The following OTUD3 variants were observed in gnomAD, a reference collection of about 807,000 sequenced individuals.
OTUD3 encodes the protein OTU deubiquitinase 3.
Under a neutral mutation model 46.2 loss-of-function variants are expected in OTUD3, and 24 were observed. The observed-to-expected ratio is 0.52, with a 90% CI of 0.38 to 0.73. OTUD3 has a LOEUF of 0.73. OTUD3 is among the 30% of genes least tolerant of loss of function. The pLI is 0.00. For missense variants in OTUD3, 455 were observed against 523.3 expected (o/e 0.87, Z 1.27); for synonymous variants, 189 against 195.4 (o/e 0.97, Z 0.27).
chr1:19,907,494 C>A, intron 7 of OTUD3, 76 bp from the exon 8 acceptor site: 1 of 1,431,824 alleles, frequency 7.0e-7, no homozygotes, highest in Non-Finnish European at 9.7e-7. Flanking sequence ...GTGCCCTTTG[C>A]CACCATCTCC....
At position 19,906,478 on chromosome 1, in the gene OTUD3, T is replaced by C. The variant is rs773554496; in HGVS notation, c.882T>C (p.Cys294=). 2 of 1,614,080 alleles carry C rather than the reference T, an allele frequency of 1.2e-6. No homozygotes were observed. Among genetic ancestry groups the C allele is most frequent in the Non-Finnish European group, 1.7e-6 (2 of 1,179,964 alleles). Residue 294 remains cysteine, a synonymous_variant, in exon 7 of 8, where the codon TGT becomes TGC. Transcript: ENST00000375120. ...LEPSGRVLKQ[C]GPLWEEGGSG... is the part of the protein sequence containing the mutation. The stretch of plus-strand genomic sequence containing the variant: ...CCAGTGGTCGAGTGCTGAAGCAGTG[T>C]GGCCCTTTGTGGGAGGAGGGTGGCA...
intron 1 of OTUD3, among the ~76,000 whole-genome samples, chr1:19,883,036 C>G (rs2045295690): frequency 6.6e-6 from 1 of 152,206 alleles, no homozygotes; most frequent in South Asian, 2.1e-4. Flanking sequence ...AGGAAGGGCT[C>G]TCTCAAAGGT....
Position 19,897,625 on chromosome 1 carries a change from A to T in OTUD3, c.569A>T (p.Asn190Ile), listed in dbSNP as rs201938614. 1 of 1,614,094 alleles carries T rather than the reference A, an allele frequency of 6.2e-7. No individual in the cohort carries two copies. The highest frequency in any genetic ancestry group is 8.5e-7 in the Non-Finnish European group (1 of 1,179,990). ...CACTACGACAGTGTTCGGAGGATCA[A>T]TGACAACTCAGAGGCACCTGCACAT... ...GEHYDSVRRI[N>I]DNSEAPAHLQ... is the part of the protein sequence containing the mutation. The change falls in exon 4 of 8, where the codon AAT becomes ATT. Residue 190 changes from asparagine to isoleucine, a missense_variant. Transcript: ENST00000375120.
intron 1 of OTUD3, among the ~76,000 whole-genome samples, chr1:19,886,708 T>C (rs1159664817): frequency 6.6e-6 from 1 of 152,238 alleles, no homozygotes; most frequent in East Asian, 1.9e-4. Flanking sequence ...CAAACTTCAG[T>C]ATGCAACATA....
In OTUD3 at chr1:19,907,588, C is replaced by T. The variant is rs762905488; in HGVS notation, c.1039C>T (p.Arg347Ter). 3 of 1,613,874 alleles carry T rather than the reference C, an allele frequency of 1.9e-6. No individual in the cohort carries two copies. Among genetic ancestry groups the T allele is most frequent in the Middle Eastern group, 1.7e-4 (1 of 6,056 alleles). ...QLAKVTNKQR[R>*]EQQWMEKKKR... is the part of the protein sequence containing the mutation. ...CTCTCAGGTCACAAACAAACAGAGG[C>T]GAGAACAGCAGTGGATGGAGAAGAA... is the stretch of plus-strand genomic sequence containing the variant. Residue 347 changes from arginine to a stop codon, truncating the protein, a stop_gained, in exon 8 of 8, where the codon CGA (arginine) becomes TGA (stop). Coordinates refer to ENST00000375120, the MANE Select transcript of OTUD3 (RefSeq NM_015207.2). LOFTEE classifies it high-confidence loss of function.
intron 3 of OTUD3, among the ~76,000 whole-genome samples, chr1:19,895,231 T>C (rs1243705631): frequency 6.6e-6 from 1 of 152,244 alleles, no homozygotes; most frequent in Admixed American, 6.5e-5. Flanking sequence ...CTGCATATAT[T>C]CCTTTGTAAA....
At chr1:19,904,223 T>G (rs1349746914) in intron 4 of OTUD3, 44 bp from the exon 5 acceptor site, 72 of 1,497,750 alleles carry the variant, frequency 4.8e-5, no homozygotes, top group Non-Finnish European at 5.9e-5. Flanking sequence ...TGAACATAGT[T>G]TGATTCTCAA....
intron 2 of OTUD3, among the ~76,000 whole-genome samples, chr1:19,892,630 C>G (rs970316524): frequency 2.0e-5 from 3 of 152,146 alleles, no homozygotes; most frequent in Non-Finnish European, 4.4e-5. Context: ...TTATCTTCCT[C>G]CCTTCTCTTA....
rs1183588597 is a variant in OTUD3, at chr1:19,907,646, C to G, written c.1097C>G (p.Ala366Gly). The change falls in exon 8 of 8, where the codon GCC becomes GGC. Residue 366 changes from alanine to glycine, a missense_variant. Physicochemically the swap from Ala to Gly is moderately conservative, Grantham distance 60. Coordinates refer to ENST00000375120, the MANE Select transcript of OTUD3 (RefSeq NM_015207.2). ...CAGGAGGAGAGGCACCGCCACAAAG[C>G]CCTGGAGAGCAGAGGTAGCCACAGG... ...KRQEERHRHK[A>G]LESRGSHRDN... The G allele has an allele frequency of 6.2e-7, 1 of 1,614,074 alleles. No homozygotes were observed. Among genetic ancestry groups the G allele is most frequent in the African/African-American group, 1.3e-5 (1 of 74,936 alleles).
At chr1:19,886,220 A>G (rs2045357830) in intron 1 of OTUD3, among the ~76,000 whole-genome samples, 1 of 152,236 alleles carries the variant, frequency 6.6e-6, no homozygotes, top group Admixed American at 6.5e-5. Flanking sequence ...ATTAGGCAGT[A>G]CAATATTAAC....
In OTUD3 at chr1:19,907,586, G is replaced by A. The variant is rs928634921; in HGVS notation, c.1037G>A (p.Arg346Lys). ...NQLAKVTNKQ[R>K]REQQWMEKKK... ...CTCTCTCAGGTCACAAACAAACAGA[G>A]GCGAGAACAGCAGTGGATGGAGAAG... The change falls in exon 8 of 8, where the codon AGG becomes AAG. Residue 346 changes from arginine (R) to lysine (K), a missense_variant. Physicochemically the swap from Arg to Lys is conservative, Grantham distance 26. Transcript: ENST00000375120. The A allele has an allele frequency of 2.5e-6, 4 of 1,613,922 alleles. No individual in the cohort carries two copies. Among genetic ancestry groups the A allele is most frequent in the African/African-American group, 2.7e-5 (2 of 74,888 alleles).
intron 7 of OTUD3, 96 bp downstream of exon 7, chr1:19,906,712 T>G (rs1293812109): frequency 8.6e-7 from 1 of 1,168,780 alleles, no homozygotes; most frequent in Admixed American, 2.8e-5. Context: ...ATTTTCCTTC[T>G]GATTTATAAA....
chr1:19,887,204 C>T (rs2045376318), intron 1 of OTUD3, among the ~76,000 whole-genome samples: 1 of 151,870 alleles, frequency 6.6e-6, no homozygotes, highest in Non-Finnish European at 1.5e-5. Flanking sequence ...CCTGCCTCGG[C>T]CTCCTGTGTA....
At chr1:19,883,564 C>T (rs1405486091) in intron 1 of OTUD3, among the ~76,000 whole-genome samples, 2 of 151,974 alleles carry the variant, frequency 1.3e-5, no homozygotes, top group Non-Finnish European at 2.9e-5. Context: ...TTGTTTTTTT[C>T]CTCCCCGTAT....
intron 5 of OTUD3, 62 bp downstream of exon 5, chr1:19,904,460 C>T: frequency 6.6e-7 from 1 of 1,504,592 alleles, no homozygotes; most frequent in Non-Finnish European, 9.0e-7. Context: ...TAGCTTACTT[C>T]TTAGTTTCGT....
At chr1:19,885,822 A>G (rs1203634618) in intron 1 of OTUD3, among the ~76,000 whole-genome samples, 2 of 152,252 alleles carry the variant, frequency 1.3e-5, no homozygotes, top group Non-Finnish European at 2.9e-5. Flanking sequence ...ACTATTAAAA[A>G]ATAGTTGACA....
chr1:19,883,405 G>A (rs1331892372), intron 1 of OTUD3, among the ~76,000 whole-genome samples: 1 of 152,162 alleles, frequency 6.6e-6, no homozygotes. Context: ...CAAGAAAGGG[G>A]ATATGGCTCC....
chr1:19,890,975 A>G (rs192079478), intron 2 of OTUD3, among the ~76,000 whole-genome samples: 1 of 152,234 alleles, frequency 6.6e-6, no homozygotes, highest in East Asian at 1.9e-4. Context: ...TAATAATAGC[A>G]TCTATCTCAC....
intron 2 of OTUD3, among the ~76,000 whole-genome samples, chr1:19,892,672 G>A (rs568431930): frequency 1.3e-5 from 2 of 150,588 alleles, no homozygotes; most frequent in South Asian, 4.2e-4. Flanking sequence ...CTCTACCTCA[G>A]CAGTTTTTCT....
Sources: gnomAD v4.1 joint callset for allele counts (sites outside exome capture counted in the v4.1 genomes callset) on GRCh38, gnomAD v4.1.1 for gene constraint, MANE v1.5 for transcripts, NCBI Gene and HGNC (gene_info 2026-07-23, HGNC 2026-07-21) for gene names.